The following METAP1D variants were observed in gnomAD, a reference collection of about 807,000 sequenced individuals.
METAP1D encodes methionyl aminopeptidase type 1D, mitochondrial.
In METAP1D, 31 loss-of-function variants were observed where a neutral mutation model predicts 40.5. That is an observed-to-expected ratio of 0.77 (90% CI 0.58 to 1.03). The LOEUF is 1.03. Among genes scored for constraint, METAP1D ranks in the 50% least tolerant of loss-of-function variants. METAP1D has a pLI of 0.00. For missense variants in METAP1D, 411 were observed against 420.7 expected (o/e 0.98, Z 0.20); for synonymous variants, 151 against 146.4 (o/e 1.03, Z -0.22).
At chr2:172,069,440 T>A (rs1690370144) in intron 5 of METAP1D, among the ~76,000 whole-genome samples, 2 of 152,196 alleles carry the variant, frequency 1.3e-5, no homozygotes, top group Non-Finnish European at 2.9e-5. Context: ...ATATAAAAAT[T>A]TGAATTTTTG....
chr2:172,076,810 A>G (rs1357990419), intron 6 of METAP1D, among the ~76,000 whole-genome samples: 1 of 152,260 alleles, frequency 6.6e-6, no homozygotes, highest in Non-Finnish European at 1.5e-5. Context: ...TAATAATTGA[A>G]ATAGTAGTCC....
chr2:172,016,332 A>ATATAT (rs1558995296), intron 1 of METAP1D, among the ~76,000 whole-genome samples: 6 of 88,008 alleles, frequency 6.8e-5, no homozygotes, highest in South Asian at 4.9e-4. Flanking sequence ...TATATATATA[A>ATATAT]ATAGTCCAGG....
intron 1 of METAP1D, 69 bp downstream of exon 1, chr2:172,000,078 AGGG>A: frequency 1.6e-6 from 2 of 1,240,498 alleles, no homozygotes; most frequent in Non-Finnish European, 2.1e-6. Context: ...CCGGGTCCAA[AGGG>A]ATGCGCACCC....
chr2:172,026,844 C>G (rs1689129580), intron 1 of METAP1D, among the ~76,000 whole-genome samples: 1 of 152,082 alleles, frequency 6.6e-6, no homozygotes, highest in African/African-American at 2.4e-5. Context: ...CAATTCTGTA[C>G]CAACATCCTA....
chr2:172,045,753 ATATATG>A, intron 1 of METAP1D, among the ~76,000 whole-genome samples: 3 of 84,620 alleles, frequency 3.5e-5, no homozygotes, highest in African/African-American at 7.6e-5. Flanking sequence ...GTATATATGT[ATATATG>A]TGTGTATATA....
chr2:172,027,516 A>G (rs1689145105), intron 1 of METAP1D, among the ~76,000 whole-genome samples: 1 of 152,192 alleles, frequency 6.6e-6, no homozygotes, highest in African/African-American at 2.4e-5. Flanking sequence ...ACCCTTTAGG[A>G]TGTTCTCACA....
chr2:172,021,567 G>T (rs1689009047), intron 1 of METAP1D, among the ~76,000 whole-genome samples: 1 of 152,208 alleles, frequency 6.6e-6, no homozygotes, highest in Admixed American at 6.5e-5. Flanking sequence ...AAGACTGTCA[G>T]TTCCTGTGGG....
chr2:172,059,670 A>G (rs145833065), intron 1 of METAP1D, among the ~76,000 whole-genome samples: 19 of 152,236 alleles, frequency 1.2e-4, no homozygotes, highest in Non-Finnish European at 2.2e-4. Context: ...TTTGTGCTGT[A>G]TAAAAACAGT....
At chr2:172,040,502 C>T (rs961538973) in intron 1 of METAP1D, among the ~76,000 whole-genome samples, 2 of 152,088 alleles carry the variant, frequency 1.3e-5, no homozygotes, top group African/African-American at 4.8e-5. Flanking sequence ...CCCAAGGGAG[C>T]AATAGTGAGA....
chr2:172,016,196 A>G (rs979336831), intron 1 of METAP1D, among the ~76,000 whole-genome samples: 2 of 138,406 alleles, frequency 1.4e-5, no homozygotes, highest in Non-Finnish European at 3.1e-5. Context: ...GAATTGCTTG[A>G]ACCCAGGAGT....
chr2:172,031,101 A>T (rs1355148008), intron 1 of METAP1D, among the ~76,000 whole-genome samples: 1 of 152,230 alleles, frequency 6.6e-6, no homozygotes, highest in Non-Finnish European at 1.5e-5. Context: ...TTAACAAATG[A>T]TATAATTTGA....
intron 1 of METAP1D, among the ~76,000 whole-genome samples, chr2:172,041,725 TTTATATA>T (rs1184517595): frequency 5.0e-5 from 2 of 39,810 alleles, no homozygotes; most frequent in African/African-American, 1.5e-4. Context: ...CTCTAATTAT[TTTATATA>T]TATATATATA....
chr2:172,042,732 CGT>C lies in METAP1D; in HGVS notation c.41-18755_41-18754del, dbSNP rs1311752955. 5.4e-3 allele frequency among the ~76,000 whole-genome samples: 28 copies of C among 5,226 alleles called. 9 individuals are homozygous for C. In the East Asian group the frequency reaches 0.38, roughly 70 times the overall value. 3.4% of individuals were successfully genotyped at this position (5,226 alleles called of 152,430 possible). A position where few individuals can be genotyped will look rare whatever the true frequency, so the allele number is the denominator to read the frequency against. ...GTGTGTGTATATGTGTACACATATA[CGT>C]GTGTGTGTGTATATGTACACATATA... On this transcript the variant is annotated intron_variant, in intron 1 of 9. Coordinates refer to ENST00000315796, the MANE Select transcript of METAP1D (RefSeq NM_199227.3).
chr2:172,012,298 G>C (rs974404068), intron 1 of METAP1D, among the ~76,000 whole-genome samples: 1 of 152,146 alleles, frequency 6.6e-6, no homozygotes, highest in African/African-American at 2.4e-5. Context: ...TTTATGCTCT[G>C]TGCATAGCAG....
At chr2:172,053,713 TTA>T (rs1689939414) in intron 1 of METAP1D, among the ~76,000 whole-genome samples, 1 of 152,214 alleles carries the variant, frequency 6.6e-6, no homozygotes, top group South Asian at 2.1e-4. Flanking sequence ...AGGGTGTCTT[TTA>T]AATCACATAT....
At chr2:172,076,017 C>A (rs1464339089) in intron 6 of METAP1D, among the ~76,000 whole-genome samples, 2 of 152,138 alleles carry the variant, frequency 1.3e-5, no homozygotes, top group Non-Finnish European at 2.9e-5. Flanking sequence ...TGCACAGCTT[C>A]TTTTATGCAG....
chr2:172,039,516 A>G (rs944276035), intron 1 of METAP1D, among the ~76,000 whole-genome samples: 2 of 152,106 alleles, frequency 1.3e-5, no homozygotes, highest in African/African-American at 4.8e-5. Context: ...CTTTCTTTGT[A>G]TTTTCACAAA....
chr2:172,006,245 G>A (rs1231358696), intron 1 of METAP1D, among the ~76,000 whole-genome samples: 2 of 151,442 alleles, frequency 1.3e-5, no homozygotes, highest in African/African-American at 2.4e-5. Flanking sequence ...GTGCAGTGGC[G>A]GGATCTCGGC....
At chr2:172,012,355 C>T (rs1422356556) in intron 1 of METAP1D, among the ~76,000 whole-genome samples, 2 of 152,090 alleles carry the variant, frequency 1.3e-5, no homozygotes, top group East Asian at 3.9e-4. Flanking sequence ...ATCAGAAAAG[C>T]GAGTGAGGGA....
Sources: gnomAD v4.1 joint callset for allele counts (sites outside exome capture counted in the v4.1 genomes callset) on GRCh38, gnomAD v4.1.1 for gene constraint, MANE v1.5 for transcripts, NCBI Gene and HGNC (gene_info 2026-07-23, HGNC 2026-07-21) for gene names.